The following LIN7A variants were observed in gnomAD, a reference collection of about 807,000 sequenced individuals.
LIN7A encodes protein lin-7 homolog A.
Under a neutral mutation model 29.8 loss-of-function variants are expected in LIN7A, and 25 were observed. The ratio of observed to expected loss-of-function variants is 0.84; its 90% CI spans 0.61 to 1.17. The LOEUF (loss-of-function observed/expected upper bound fraction) is 1.17. Among genes scored for constraint, LIN7A ranks in the 50% most tolerant of loss-of-function variants. The probability of loss-of-function intolerance (pLI) is 0.00; values close to 1 mark genes in which losing one functional copy is unlikely to be tolerated. For synonymous variants in LIN7A, 118 were observed against 107.5 expected (o/e 1.10, Z -0.60); for missense variants, 239 against 287.0 (o/e 0.83, Z 1.21).
intron 2 of LIN7A, among the ~76,000 whole-genome samples, chr12:80,864,500 C>T (rs1042689112): frequency 6.6e-6 from 1 of 151,992 alleles, no homozygotes; most frequent in Non-Finnish European, 1.5e-5. Flanking sequence ...TCATTAGGAA[C>T]ATTGTTGGAA....
chr12:80,909,274 A>G (rs527376891), intron 1 of LIN7A, among the ~76,000 whole-genome samples: 11 of 152,298 alleles, frequency 7.2e-5, no homozygotes, highest in African/African-American at 2.2e-4. Context: ...AATTAAGCAC[A>G]TATTTGTGGG....
intron 4 of LIN7A, among the ~76,000 whole-genome samples, chr12:80,840,046 A>ATGCTTATATTT (rs1341945820): frequency 6.6e-6 from 1 of 152,106 alleles, no homozygotes; most frequent in African/African-American, 2.4e-5. Flanking sequence ...TTAAGTCCTC[A>ATGCTTATATTT]TGCTTATATT....
chr12:80,923,406 C>G (rs1227497618), intron 1 of LIN7A, among the ~76,000 whole-genome samples: 1 of 152,094 alleles, frequency 6.6e-6, no homozygotes, highest in Non-Finnish European at 1.5e-5. Flanking sequence ...TGCTCTGTGT[C>G]TCTGAAAAAC....
intron 1 of LIN7A, among the ~76,000 whole-genome samples, chr12:80,910,108 T>G (rs1160621359): frequency 6.6e-6 from 1 of 152,204 alleles, no homozygotes; most frequent in African/African-American, 2.4e-5. Context: ...GCACATATTG[T>G]GTTAAATCTG....
intron 2 of LIN7A, among the ~76,000 whole-genome samples, chr12:80,858,506 T>TC (rs1277579901): frequency 7.7e-6 from 1 of 130,486 alleles, no homozygotes; most frequent in South Asian, 2.5e-4. Context: ...AGAAGAAATT[T>TC]CTTTTTTTTT....
intron 1 of LIN7A, among the ~76,000 whole-genome samples, chr12:80,911,986 T>A (rs1162574425): frequency 7.1e-6 from 1 of 141,200 alleles, no homozygotes; most frequent in Non-Finnish European, 1.6e-5. Context: ...TCACATTTTA[T>A]TAATGCTTTA....
chr12:80,816,718 A>C (rs566061657), intron 4 of LIN7A, among the ~76,000 whole-genome samples: 65 of 152,152 alleles, frequency 4.3e-4, no homozygotes, highest in Non-Finnish European at 8.5e-4. Context: ...AAGTTAGTTA[A>C]TTTGATTGAA....
intron 5 of LIN7A, among the ~76,000 whole-genome samples, chr12:80,810,909 C>T (rs963751653): frequency 1.3e-5 from 2 of 152,166 alleles, no homozygotes; most frequent in African/African-American, 2.4e-5. Flanking sequence ...AAGGAGCATC[C>T]GCAGAGAACT....
At chr12:80,846,869 T>C (rs1873101246) in intron 3 of LIN7A, among the ~76,000 whole-genome samples, 1 of 152,202 alleles carries the variant, frequency 6.6e-6, no homozygotes. Context: ...ATTCTGTGCC[T>C]GCTTATTTTT....
At chr12:80,836,611 C>T (rs894628634) in intron 4 of LIN7A, among the ~76,000 whole-genome samples, 3 of 152,066 alleles carry the variant, frequency 2.0e-5, no homozygotes, top group Middle Eastern at 3.2e-3. Flanking sequence ...GCCAAGATCA[C>T]GCCACTGCAC....
chr12:80,866,330 T>C (rs1309027411), intron 2 of LIN7A, among the ~76,000 whole-genome samples: 1 of 152,212 alleles, frequency 6.6e-6, no homozygotes, highest in Non-Finnish European at 1.5e-5. Context: ...CTCTAAGTAA[T>C]TGACTTGGAG....
intron 2 of LIN7A, among the ~76,000 whole-genome samples, chr12:80,880,776 T>C (rs1163672): frequency 0.56 from 64,601 of 115,188 alleles, 15,934 homozygotes; most frequent in Middle Eastern, 0.71. Flanking sequence ...CACACACACA[T>C]ACACACACAC....
At chr12:80,850,091 C>A (rs952906874) in intron 2 of LIN7A, among the ~76,000 whole-genome samples, 1 of 152,052 alleles carries the variant, frequency 6.6e-6, no homozygotes, top group Admixed American at 6.6e-5. Context: ...ATAAATATCA[C>A]AAATTAAGAA....
chr12:80,878,211 T>G (rs1461666460), intron 2 of LIN7A, among the ~76,000 whole-genome samples: 2 of 152,204 alleles, frequency 1.3e-5, no homozygotes, highest in Non-Finnish European at 2.9e-5. Flanking sequence ...AATTATAGTT[T>G]AAGATGGTTC....
chr12:80,933,013 T>G (rs1381832663), intron 1 of LIN7A, among the ~76,000 whole-genome samples: 1 of 152,194 alleles, frequency 6.6e-6, no homozygotes, highest in African/African-American at 2.4e-5. Flanking sequence ...TATCTTCTCT[T>G]TGTTACAAGG....
chr12:80,859,676 T>C (rs1873768987), intron 2 of LIN7A, among the ~76,000 whole-genome samples: 2 of 152,168 alleles, frequency 1.3e-5, no homozygotes, highest in Admixed American at 6.5e-5. Flanking sequence ...AAATGGATTA[T>C]ATTTAGGGGA....
intron 2 of LIN7A, among the ~76,000 whole-genome samples, chr12:80,870,153 C>A (rs539005330): frequency 6.6e-6 from 1 of 152,194 alleles, no homozygotes; most frequent in East Asian, 1.9e-4. Flanking sequence ...GATAAAGGCA[C>A]AACATAACAA....
At chr12:80,800,532 T>C (rs1423483751) in intron 5 of LIN7A, among the ~76,000 whole-genome samples, 3 of 108,356 alleles carry the variant, frequency 2.8e-5, no homozygotes, top group Non-Finnish European at 5.7e-5. Context: ...CACAATCTGC[T>C]AAAACTCACA....
chr12:80,856,009 A>G (rs1873575273), intron 2 of LIN7A, among the ~76,000 whole-genome samples: 1 of 152,158 alleles, frequency 6.6e-6, no homozygotes. Context: ...AACTGTGGAA[A>G]ATATTGTTTA....
Sources: gnomAD v4.1 joint callset for allele counts (sites outside exome capture counted in the v4.1 genomes callset) on GRCh38, gnomAD v4.1.1 for gene constraint, MANE v1.5 for transcripts, NCBI Gene and HGNC (gene_info 2026-07-23, HGNC 2026-07-21) for gene names.